RNF212: variants seen among roughly 807,000 people sequenced by gnomAD.
RNF212 encodes the protein ring finger protein 212.
Under a neutral mutation model 34.7 loss-of-function variants are expected in RNF212, and 33 were observed. The observed-to-expected ratio is 0.95, with a 90% CI of 0.72 to 1.27. The LOEUF is 1.27. Among genes scored for constraint, RNF212 ranks in the 50% most tolerant of loss-of-function variants. The probability of loss-of-function intolerance (pLI) is 0.00; values close to 1 mark genes in which losing one functional copy is unlikely to be tolerated. For missense variants in RNF212, 377 were observed against 362.2 expected (o/e 1.04, Z -0.33); for synonymous variants, 140 against 136.1 (o/e 1.03, Z -0.20).
At chr4:1,082,233 C>T (rs1463035785) in intron 5 of RNF212, among the ~76,000 whole-genome samples, 1 of 152,228 alleles carries the variant, frequency 6.6e-6, no homozygotes, top group Non-Finnish European at 1.5e-5. Context: ...TCCAGTCTAG[C>T]AACCCTGGAC....
At chr4:1,080,265 G>C (rs1024296893) in intron 7 of RNF212, among the ~76,000 whole-genome samples, 7 of 152,176 alleles carry the variant, frequency 4.6e-5, no homozygotes, top group Non-Finnish European at 7.3e-5. Context: ...AACAGCTCCA[G>C]CAAGAGTCCC....
At chr4:1,105,162 C>A (rs530307340) in intron 2 of RNF212, among the ~76,000 whole-genome samples, 1 of 152,222 alleles carries the variant, frequency 6.6e-6, no homozygotes, top group South Asian at 2.1e-4. Context: ...GGGGCATCCT[C>A]GTCCTTCACC....
intron 8 of RNF212, among the ~76,000 whole-genome samples, chr4:1,077,584 G>A (rs374282658): frequency 2.0e-5 from 3 of 152,282 alleles, no homozygotes; most frequent in East Asian, 3.9e-4. Flanking sequence ...AGATCCTAAG[G>A]AAAGGTAGAA....
chr4:1,064,939 C>T (rs1261892149), intron 3 of RNF212, among the ~76,000 whole-genome samples: 1 of 152,226 alleles, frequency 6.6e-6, no homozygotes, highest in East Asian at 1.9e-4. Flanking sequence ...ATAGCGTCCT[C>T]AATGTTCATC....
chr4:1,081,512 T>C, intron 6 of RNF212, 45 bp from the exon 7 acceptor site: 2 of 1,609,004 alleles, frequency 1.2e-6, no homozygotes, highest in South Asian at 2.2e-5. Context: ...GCACACAGTG[T>C]GACTCAGCAA....
intron 3 of RNF212, among the ~76,000 whole-genome samples, chr4:1,092,547 G>C (rs1722350785): frequency 6.6e-6 from 1 of 152,222 alleles, no homozygotes; most frequent in Non-Finnish European, 1.5e-5. Flanking sequence ...CCAGAGACTT[G>C]AGACACTGGG....
intron 5 of RNF212, among the ~76,000 whole-genome samples, chr4:1,085,082 G>A (rs1577701935): frequency 6.6e-6 from 1 of 152,332 alleles, no homozygotes; most frequent in East Asian, 1.9e-4. Context: ...CACAGCCAAT[G>A]GGAGGCAGAC....
At chr4:1,112,232 G>A in intron 1 of RNF212, among the ~76,000 whole-genome samples, 1 of 152,202 alleles carries the variant, frequency 6.6e-6, no homozygotes, top group East Asian at 1.9e-4. Context: ...AAGGAAGGGA[G>A]AAAAAGGAAG....
intron 3 of RNF212, among the ~76,000 whole-genome samples, chr4:1,092,757 G>C (rs1013843949): frequency 6.6e-6 from 1 of 152,234 alleles, no homozygotes; most frequent in Non-Finnish European, 1.5e-5. Flanking sequence ...AGAGCTGCCC[G>C]GTGCTCACGC....
At chr4:1,079,287 AGACCAACATGG>A (rs1395989608) in intron 8 of RNF212, among the ~76,000 whole-genome samples, 3 of 144,854 alleles carry the variant, frequency 2.1e-5, no homozygotes, top group Admixed American at 1.4e-4. Context: ...GGTCAACACA[AGACCAACATGG>A]GACCAACATA....
chr4:1,093,320 G>T (rs1037955018), intron 3 of RNF212: 1 of 986,162 alleles, frequency 1.0e-6, no homozygotes, highest in East Asian at 2.9e-5. Context: ...AAATCTAAAA[G>T]TATTTATTAA....
In RNF212 at chr4:1,073,097, C is replaced by T; in HGVS notation, c.671G>A (p.Cys224Tyr). Residue 224 changes from cysteine to tyrosine, a missense_variant, in exon 10 of 10, where the codon TGT becomes TAT. Physicochemically the swap from Cys to Tyr is radical, Grantham distance 194. Transcript: ENST00000433731. ...GTGAGGACAGACGTCTATGCAGAAA[C>T]ATGGTGAACCTCTGGAAATGACACA... ...GECVISRGSP[C>Y]FCIDVCPHWL... The T allele has an allele frequency of 6.2e-7, 1 of 1,614,184 alleles. No individual in the cohort carries two copies. The highest frequency in any genetic ancestry group is 8.5e-7 in the Non-Finnish European group (1 of 1,180,036).
intron 5 of RNF212, among the ~76,000 whole-genome samples, chr4:1,083,428 A>G (rs1484509643): frequency 1.3e-5 from 2 of 152,120 alleles, no homozygotes; most frequent in Non-Finnish European, 2.9e-5. Context: ...GGATCACCTG[A>G]GGTCAGGAGT....
chr4:1,064,953 G>A (rs1017478911), intron 3 of RNF212, among the ~76,000 whole-genome samples: 5 of 152,162 alleles, frequency 3.3e-5, no homozygotes, highest in African/African-American at 7.2e-5. Context: ...GTTCATCCAC[G>A]CGGTAGCGTG....
At chr4:1,092,286 A>C (rs997998441) in intron 3 of RNF212, among the ~76,000 whole-genome samples, 6 of 152,192 alleles carry the variant, frequency 3.9e-5, no homozygotes, top group African/African-American at 1.2e-4. Flanking sequence ...TTGGCAGGGC[A>C]GGTGTTGCTG....
downstream of RNF212, among the ~76,000 whole-genome samples, chr4:1,068,467 CT>C (rs1156679104): frequency 6.6e-6 from 1 of 152,210 alleles, no homozygotes; most frequent in Non-Finnish European, 1.5e-5. Flanking sequence ...GTCTCATCTT[CT>C]GCTCTACTGT....
intron 4 of RNF212, among the ~76,000 whole-genome samples, chr4:1,057,905 T>G (rs547764390): frequency 6.6e-6 from 1 of 151,904 alleles, no homozygotes; most frequent in South Asian, 2.1e-4. Flanking sequence ...CTACTAAAAA[T>G]ACAAAATTAG....
downstream of RNF212, among the ~76,000 whole-genome samples, chr4:1,066,544 T>C (rs978662373): frequency 1.3e-5 from 2 of 152,204 alleles, no homozygotes; most frequent in Non-Finnish European, 2.9e-5. Flanking sequence ...TTGCCCAGGC[T>C]GGTCTCGAAC....
intron 2 of RNF212, among the ~76,000 whole-genome samples, chr4:1,097,987 C>T (rs1214116415): frequency 2.0e-5 from 3 of 152,118 alleles, no homozygotes; most frequent in African/African-American, 7.2e-5. Flanking sequence ...ATCGCTTGAA[C>T]CCGGGAGGTG....
Sources: allele counts gnomAD v4.1 joint callset (sites outside exome capture counted in the v4.1 genomes callset), GRCh38; gene constraint gnomAD v4.1.1; transcripts MANE v1.5; gene names NCBI Gene and HGNC (gene_info 2026-07-23, HGNC 2026-07-21).